The following VIPR2 variants were observed in gnomAD, a reference collection of about 807,000 sequenced individuals.
VIPR2 encodes the protein vasoactive intestinal peptide receptor 2.
In VIPR2, 48 loss-of-function variants were observed where a neutral mutation model predicts 58.0. The ratio of observed to expected loss-of-function variants is 0.83; its 90% CI spans 0.66 to 1.05. The LOEUF (loss-of-function observed/expected upper bound fraction) is 1.05, where lower values mean the gene tolerates loss of function less well. VIPR2 is among the 50% of genes least tolerant of loss of function. VIPR2 has a pLI of 0.00. For synonymous variants in VIPR2, 243 were observed against 235.2 expected (o/e 1.03, Z -0.30); for missense variants, 534 against 558.0 (o/e 0.96, Z 0.43).
At chr7:159,134,724 C>T (rs1478306656) in intron 2 of VIPR2, among the ~76,000 whole-genome samples, 1 of 151,614 alleles carries the variant, frequency 6.6e-6, no homozygotes, top group Non-Finnish European at 1.5e-5. Flanking sequence ...GTGGGGCCAT[C>T]TCGGCTCACT....
intron 6 of VIPR2, among the ~76,000 whole-genome samples, chr7:159,040,449 G>T (rs1039841982): frequency 6.6e-6 from 1 of 152,236 alleles, no homozygotes; most frequent in Admixed American, 6.5e-5. Flanking sequence ...CACAGACCCC[G>T]CAGGGGAACC....
chr7:159,038,380 C>T (rs1388089160), intron 6 of VIPR2, among the ~76,000 whole-genome samples: 1 of 152,118 alleles, frequency 6.6e-6, no homozygotes, highest in Non-Finnish European at 1.5e-5. Flanking sequence ...CAGAGTAAGG[C>T]GAGTGCCTGC....
chr7:159,099,995 C>G lies in VIPR2; in HGVS notation c.357+3762G>C, dbSNP rs529515501. ...CCTTCCTCAAGGGCTCACAGCCATGCGTGCTGGAGCTGGGCCCCCAACACT... is the reference window on the plus strand; with the variant it reads ...CCTTCCTCAAGGGCTCACAGCCATGGGTGCTGGAGCTGGGCCCCCAACACT... On this transcript the variant is annotated intron_variant, in intron 4 of 12. Coordinates refer to ENST00000262178, the MANE Select transcript of VIPR2 (RefSeq NM_003382.5). This position sits in a 1 kb window ranked among gnomAD's most constrained non-coding sequence, Gnocchi z 4.2. 6.6e-6 allele frequency among the ~76,000 whole-genome samples: 1 copy of G among 152,178 alleles called. No individual in the cohort carries two copies. Among genetic ancestry groups the G allele is most frequent in the African/African-American group, 2.4e-5 (1 of 41,432 alleles).
At position 159,043,074 on chromosome 7, in the gene VIPR2, G is replaced by A. The variant is rs1276727154; in HGVS notation, c.558C>T (p.Ser186=). ...VLVKDDVLYS[S]SGTLHCPDQP... ...GGTCAGGGCAGTGCAACGTGCCAGA[G>A]CTGGAGTAGAGAACGTCGTCCTTGA... Residue 186 remains serine, a synonymous_variant, in exon 6 of 13, where the codon AGC becomes AGT. Transcript: ENST00000262178. 1.9e-6 allele frequency: 3 copies of A among 1,614,202 alleles called. No homozygotes were observed. The South Asian group carries it at 3.3e-5, about 18-fold the overall frequency.
intron 2 of VIPR2, among the ~76,000 whole-genome samples, chr7:159,119,513 T>C (rs1283866740): frequency 2.0e-5 from 3 of 151,710 alleles, no homozygotes; most frequent in Non-Finnish European, 2.9e-5. Flanking sequence ...CACGGGGGAG[T>C]GGAGGCAGCG....
chr7:159,030,478 ACCAGCTTGACGGAGTCAG>A lies in VIPR2; in HGVS notation c.*120_*137del. The A allele has an allele frequency of 9.3e-7, 1 of 1,076,910 alleles. No individual in the cohort carries two copies. Among genetic ancestry groups the A allele is most frequent in the African/African-American group, 1.6e-5 (1 of 60,802 alleles). 66.7% of individuals were successfully genotyped at this position (1,076,910 alleles called of 1,614,324 possible). ...TTCCAGGTATGGGGTTTAGTGGACA[ACCAGCTTGACGGAGTCAG>A]GACCGCGCTGACCTGCCCGACACGG... On this transcript the variant is annotated 3_prime_UTR_variant, in exon 13 of 13. Coordinates refer to ENST00000262178, the MANE Select transcript of VIPR2 (RefSeq NM_003382.5).
At chr7:159,056,002 G>C (rs1040717430) in intron 5 of VIPR2, among the ~76,000 whole-genome samples, 1 of 152,226 alleles carries the variant, frequency 6.6e-6, no homozygotes, top group African/African-American at 2.4e-5. Flanking sequence ...AGAGGTGCAG[G>C]CTGCAGTGAT....
rs180931415 is a variant in VIPR2 at position 159,082,453 on chromosome 7, C to T, written c.357+21304G>A. 1.1e-3 allele frequency among the ~76,000 whole-genome samples: 161 copies of T among 151,014 alleles called. 1 individual carries two copies. The highest frequency in any genetic ancestry group is 3.6e-3 in the African/African-American group (145 of 40,796). ...ACACAGGAAGGGGAACATCACACAC[C>T]GGGGACTGTTGTGGGGTGGTGGGGT... On this transcript the variant is annotated intron_variant, in intron 4 of 12. Coordinates refer to ENST00000262178, the MANE Select transcript of VIPR2 (RefSeq NM_003382.5).
At chr7:159,044,662 T>C (rs184163918) in intron 5 of VIPR2, among the ~76,000 whole-genome samples, 2 of 149,312 alleles carry the variant, frequency 1.3e-5, no homozygotes, top group Non-Finnish European at 3.0e-5. Flanking sequence ...TCTCAACACA[T>C]AGACAATATT....
intron 2 of VIPR2, among the ~76,000 whole-genome samples, chr7:159,133,665 G>A (rs745483054): frequency 1.8e-4 from 28 of 152,140 alleles, no homozygotes; most frequent in Admixed American, 1.1e-3. Flanking sequence ...GGTTATGTAC[G>A]TCTATATGTA....
At chr7:159,131,926 A>G (rs1456699248) in intron 2 of VIPR2, among the ~76,000 whole-genome samples, 1 of 145,238 alleles carries the variant, frequency 6.9e-6, no homozygotes, top group African/African-American at 2.8e-5. Flanking sequence ...ATTTAAGCTC[A>G]ACAACCAGAT....
chr7:159,102,037 GATA>G, intron 4 of VIPR2, among the ~76,000 whole-genome samples: 1 of 118,888 alleles, frequency 8.4e-6, no homozygotes, highest in Non-Finnish European at 1.9e-5. Context: ...CTGTTCCTGT[GATA>G]GTGAACGGGT....
At chr7:159,138,930 T>C (rs1415231919) in intron 2 of VIPR2, among the ~76,000 whole-genome samples, 1 of 152,262 alleles carries the variant, frequency 6.6e-6, no homozygotes, top group African/African-American at 2.4e-5. Context: ...CTCTAGATGC[T>C]AAGTTCTGTG....
rs544462071 is a variant in VIPR2, at chr7:159,096,033, C to T, written c.357+7724G>A. On this transcript the variant is annotated intron_variant, in intron 4 of 12. Transcript: ENST00000262178. This position sits in a 1 kb window ranked among gnomAD's most constrained non-coding sequence, Gnocchi z 5.5. ...AGGACGCACACCTTCTCAGAACCAG[C>T]GCCCCTGCCCCACCCACCTGTGGAG... Among the ~76,000 whole-genome samples, 2 of 152,120 alleles carry T rather than the reference C, an allele frequency of 1.3e-5. No homozygotes were observed. Among genetic ancestry groups the T allele is most frequent in the African/African-American group, 4.8e-5 (2 of 41,428 alleles).
At chr7:159,126,552 C>T (rs1290249013) in intron 2 of VIPR2, among the ~76,000 whole-genome samples, 3 of 152,210 alleles carry the variant, frequency 2.0e-5, no homozygotes, top group Non-Finnish European at 4.4e-5. Context: ...CCCTGGAATG[C>T]ACGGAGTACA....
At chr7:159,078,238 C>T (rs1040204167) in intron 4 of VIPR2, among the ~76,000 whole-genome samples, 1 of 152,190 alleles carries the variant, frequency 6.6e-6, no homozygotes, top group African/African-American at 2.4e-5. Flanking sequence ...AACTGGCTTC[C>T]CTCTGAACTG....
intron 1 of VIPR2, among the ~76,000 whole-genome samples, chr7:159,143,661 G>A (rs555039517): frequency 1.3e-3 from 204 of 152,344 alleles, no homozygotes; most frequent in Non-Finnish European, 2.0e-3. Context: ...TGCAGGACAA[G>A]TAAGTGGCTT....
In VIPR2 at chr7:159,029,119, C is replaced by T. The variant is rs1853395139; in HGVS notation, c.*1497G>A. The T allele has an allele frequency of 6.6e-6, 1 of 152,376 alleles. No individual in the cohort carries two copies. The highest frequency in any genetic ancestry group is 1.5e-5 in the Non-Finnish European group (1 of 68,060). The allele number at this position is 152,376 out of a possible 1,614,324, so 9.4% of individuals were successfully genotyped here. A position where few individuals can be genotyped will look rare whatever the true frequency, so the allele number is the denominator to read the frequency against. ...TGTGTGAGCTTCCCTGTGGCTGCCT[C>T]CCGGCACAGCTGTCCCGACCTTTGA... On this transcript the variant is annotated 3_prime_UTR_variant, in exon 13 of 13. Transcript: ENST00000262178.
intron 2 of VIPR2, among the ~76,000 whole-genome samples, chr7:159,140,910 C>T (rs1244284490): frequency 6.6e-6 from 1 of 151,902 alleles, no homozygotes; most frequent in East Asian, 1.9e-4. Flanking sequence ...AGAGAGCCAT[C>T]AGATGGCTCC....
Sources: gnomAD v4.1 joint callset for allele counts (sites outside exome capture counted in the v4.1 genomes callset) on GRCh38, gnomAD v4.1.1 for gene constraint, Gnocchi (gnomAD v3.1) non-coding constraint, MANE v1.5 for transcripts, NCBI Gene and HGNC (gene_info 2026-07-23, HGNC 2026-07-21) for gene names.